The following DACH2 variants were observed in gnomAD, a reference collection of about 807,000 sequenced individuals.
The protein encoded by DACH2 is dachshund homolog 2.
In DACH2, 17 loss-of-function variants were observed where a neutral mutation model predicts 35.8. That is an observed-to-expected ratio of 0.48 (90% confidence interval 0.33 to 0.71). The LOEUF is 0.71. Among genes scored for constraint, DACH2 ranks in the 30% least tolerant of loss-of-function variants. DACH2 has a pLI of 0.02. For synonymous variants in DACH2, 195 were observed against 177.3 expected, an observed-to-expected ratio of 1.10 and a Z score of -0.79; for missense variants, 469 against 472.7, an observed-to-expected ratio of 0.99 and a Z score of 0.07.
intron 1 of DACH2, among the ~76,000 whole-genome samples, chrX:86,186,511 C>T (rs979857003): frequency 1.8e-5 from 2 of 112,040 alleles, no homozygotes; most frequent in African/African-American, 6.5e-5. Flanking sequence ...CCCTTGTCTA[C>T]TGCCTTTAAA....
chrX:86,614,256 TA>T (rs781697862), intron 3 of DACH2, among the ~76,000 whole-genome samples: 67 of 111,763 alleles, frequency 6.0e-4, no homozygotes, highest in Non-Finnish European at 9.2e-4. Flanking sequence ...TGGAACTTGA[TA>T]GTGTTTAGGA....
chrX:86,152,475 A>G (rs2030399233), intron 1 of DACH2, among the ~76,000 whole-genome samples: 2 of 111,975 alleles, frequency 1.8e-5, no homozygotes, highest in Non-Finnish European at 3.8e-5. Context: ...TGAAAGTCAC[A>G]GCAAGAACTA....
intron 7 of DACH2, among the ~76,000 whole-genome samples, chrX:86,782,378 G>A (rs930010221): frequency 3.6e-5 from 4 of 111,423 alleles, no homozygotes; most frequent in Non-Finnish European, 7.6e-5. Flanking sequence ...CAGAATGGCC[G>A]AAGTTACAAA....
intron 1 of DACH2, among the ~76,000 whole-genome samples, chrX:86,280,572 T>C (rs1389515409): frequency 8.9e-6 from 1 of 111,818 alleles, no homozygotes; most frequent in Non-Finnish European, 1.9e-5. Flanking sequence ...GGTAGCATCA[T>C]AAGGACAGGA....
At chrX:86,341,050 T>G (rs1463083545) in intron 1 of DACH2, among the ~76,000 whole-genome samples, 1 of 112,229 alleles carries the variant, frequency 8.9e-6, no homozygotes, top group Non-Finnish European at 1.9e-5. Flanking sequence ...CTGGAGCAAG[T>G]TATCCAGAAG....
chrX:86,755,042 C>T (rs1384955221), intron 7 of DACH2, among the ~76,000 whole-genome samples: 1 of 111,717 alleles, frequency 9.0e-6, no homozygotes, highest in Non-Finnish European at 1.9e-5. Flanking sequence ...TATATTCCCA[C>T]TAACAGTATA....
At chrX:86,216,859 C>T (rs1024315150) in intron 1 of DACH2, among the ~76,000 whole-genome samples, 2 of 111,536 alleles carry the variant, frequency 1.8e-5, no homozygotes, top group South Asian at 7.4e-4. Context: ...CTTTGGGAAG[C>T]TGAGGCAGGT....
At chrX:86,647,223 G>A (rs981622577) in intron 3 of DACH2, among the ~76,000 whole-genome samples, 4 of 110,051 alleles carry the variant, frequency 3.6e-5, no homozygotes, top group African/African-American at 6.6e-5. Context: ...CTGCACTCCC[G>A]TGTTCATTGC....
intron 2 of DACH2, among the ~76,000 whole-genome samples, chrX:86,436,386 A>G: frequency 2.9e-5 from 1 of 34,503 alleles, no homozygotes; most frequent in Non-Finnish European, 6.8e-5. Flanking sequence ...ATATATATAG[A>G]GAGAGAGAGA....
At chrX:86,467,475 C>T (rs1188338049) in intron 2 of DACH2, among the ~76,000 whole-genome samples, 2 of 111,647 alleles carry the variant, frequency 1.8e-5, no homozygotes, top group African/African-American at 6.5e-5. Context: ...AACTTTTCCC[C>T]ATCTTCCTGT....
At position 86,148,739 on chromosome X, in the gene DACH2, C is replaced by T. The variant is rs752471237; in HGVS notation, c.119C>T (p.Pro40Leu). The T allele has an allele frequency of 5.0e-6, 6 of 1,211,210 alleles. No individual in the cohort carries two copies. In the South Asian group the frequency reaches 1.1e-4, roughly 21 times the overall value. Reference protein sequence around the residue: ...STPREPPRLTPNMINSFVVNN... With the variant: ...STPREPPRLTLNMINSFVVNN... ...CCCAGAGAGCCCCCTCGTCTTACTC[C>T]TAATATGATCAATAGTTTCGTGGTT... Residue 40 changes from proline to leucine, a missense_variant, in exon 1 of 12, where the codon CCT becomes CTT. Transcript: ENST00000373125.
Position 86,464,921 on chromosome X carries a change from T to C in DACH2, c.528-49358T>C, listed in dbSNP as rs761920824. Among the ~76,000 whole-genome samples the C allele has an allele frequency of 3.6e-5, 4 of 111,819 alleles. No homozygotes were observed. In the East Asian group the frequency reaches 1.1e-3, roughly 32 times the overall value. ...ACATTTTTCCTAAGTACCAATTTTG[T>C]ACAACTCATAATTCAAAACTAAATA... is the stretch of plus-strand genomic sequence containing the variant. On this transcript the variant is annotated intron_variant, in intron 2 of 11. Transcript: ENST00000373125.
At chrX:86,594,851 T>C (rs5967746) in intron 3 of DACH2, among the ~76,000 whole-genome samples, 5,102 of 111,793 alleles carry the variant, frequency 0.046, 293 homozygotes, top group African/African-American at 0.16. Context: ...CGGCCAGGTC[T>C]GTGAATTACT....
At chrX:86,586,139 T>G (rs2039567326) in intron 3 of DACH2, among the ~76,000 whole-genome samples, 1 of 111,842 alleles carries the variant, frequency 8.9e-6, no homozygotes, top group Admixed American at 9.5e-5. Context: ...ATTGTGGTTT[T>G]GATTTACATT....
At chrX:86,160,161 A>T in intron 1 of DACH2, 1 of 928,366 alleles carries the variant, frequency 1.1e-6, no homozygotes, top group Admixed American at 2.8e-5. Context: ...TGGCCCATTG[A>T]AACAAACAGT....
chrX:86,301,759 T>C (rs139349440), intron 1 of DACH2, among the ~76,000 whole-genome samples: 253 of 112,257 alleles, frequency 2.3e-3, no homozygotes, highest in African/African-American at 7.7e-3. Flanking sequence ...TTTTGATACA[T>C]GGTTGGAATT....
At chrX:86,746,429 T>C (rs1033557982) in intron 7 of DACH2, among the ~76,000 whole-genome samples, 1 of 111,691 alleles carries the variant, frequency 9.0e-6, no homozygotes, top group African/African-American at 3.2e-5. Context: ...TTTTCTGTGA[T>C]TTTGATTATA....
chrX:86,304,903 C>T (rs991486061), intron 1 of DACH2: 1 of 125,518 alleles, frequency 8.0e-6, no homozygotes, highest in East Asian at 2.4e-4. Context: ...TGTACTACAA[C>T]ATCTACTGGT....
At chrX:86,371,271 T>C (rs931296839) in intron 1 of DACH2, among the ~76,000 whole-genome samples, 1 of 110,832 alleles carries the variant, frequency 9.0e-6, no homozygotes, top group Non-Finnish European at 1.9e-5. Flanking sequence ...CACCACCCCA[T>C]CCCATATTCA....
Sources: gnomAD v4.1 joint callset for allele counts (sites outside exome capture counted in the v4.1 genomes callset) on GRCh38, gnomAD v4.1.1 for gene constraint, MANE v1.5 for transcripts, NCBI Gene and HGNC (gene_info 2026-07-23, HGNC 2026-07-21) for gene names.